Variants in DOK5 observed in about 807,000 individuals in gnomAD.
DOK5 encodes docking protein 5.
Under a neutral mutation model 43.3 loss-of-function variants are expected in DOK5, and 27 were observed. That is an observed-to-expected ratio of 0.62 (90% CI 0.46 to 0.86). The LOEUF is 0.86. Ranked by LOEUF, DOK5 falls within the 40% of genes least tolerant of loss-of-function variation. The probability of loss-of-function intolerance (pLI) is 0.00; values close to 1 mark genes in which losing one functional copy is unlikely to be tolerated. For synonymous variants in DOK5, 146 were observed against 140.1 expected, an observed-to-expected ratio of 1.04 and a Z score of -0.30; for missense variants, 373 against 392.9, an observed-to-expected ratio of 0.95 and a Z score of 0.43.
At chr20:54,482,831 G>A (rs1981774837) in intron 1 of DOK5, among the ~76,000 whole-genome samples, 1 of 152,132 alleles carries the variant, frequency 6.6e-6, no homozygotes, top group South Asian at 2.1e-4. Context: ...GTATATGTAT[G>A]CACATGCACA....
intron 2 of DOK5, among the ~76,000 whole-genome samples, chr20:54,583,806 T>C (rs1021860836): frequency 6.6e-6 from 1 of 152,092 alleles, no homozygotes; most frequent in Non-Finnish European, 1.5e-5. Context: ...GTAGACAGCA[T>C]ATCGTTGGAC....
Position 54,542,942 on chromosome 20 carries a change from T to A in DOK5, c.67-11991T>A, listed in dbSNP as rs548385587. On this transcript the variant is annotated intron_variant, in intron 1 of 7. Transcript: ENST00000262593. Reference sequence around the variant, plus strand: ...AATAAAACAGGGAGCCCTCTGAAACTCAGAAGATGGTAGCTTAGAGTAGAG... The same window carrying A: ...AATAAAACAGGGAGCCCTCTGAAACACAGAAGATGGTAGCTTAGAGTAGAG... 5.0e-4 allele frequency among the ~76,000 whole-genome samples: 76 copies of A among 152,244 alleles called. 2 individuals are homozygous for A. In the South Asian group the frequency reaches 0.013, roughly 26 times the overall value.
At chr20:54,511,303 G>A (rs117422625) in intron 1 of DOK5, among the ~76,000 whole-genome samples, 2,279 of 152,218 alleles carry the variant, frequency 0.015, 18 homozygotes, top group Middle Eastern at 0.034. Context: ...TACATAGTAG[G>A]TGCTCAATAA....
At chr20:54,546,982 T>G (rs1011881393) in intron 1 of DOK5, among the ~76,000 whole-genome samples, 2 of 152,114 alleles carry the variant, frequency 1.3e-5, no homozygotes, top group Non-Finnish European at 1.5e-5. Flanking sequence ...GTATAGGGAT[T>G]CCACAGAAGG....
intron 6 of DOK5, among the ~76,000 whole-genome samples, chr20:54,617,185 G>A (rs1986841637): frequency 6.6e-6 from 1 of 152,258 alleles, no homozygotes; most frequent in South Asian, 2.1e-4. Context: ...CTGTTGGACA[G>A]AGGCCACTCT....
At chr20:54,598,520 A>G (rs1242648641) in intron 5 of DOK5, among the ~76,000 whole-genome samples, 1 of 152,138 alleles carries the variant, frequency 6.6e-6, no homozygotes, top group Non-Finnish European at 1.5e-5. Context: ...TTCTCTGTTA[A>G]CTGTACAGCT....
intron 1 of DOK5, among the ~76,000 whole-genome samples, chr20:54,489,026 G>A (rs1487726935): frequency 1.3e-5 from 2 of 152,128 alleles, no homozygotes; most frequent in Non-Finnish European, 2.9e-5. Flanking sequence ...ATGGAATGGT[G>A]TATTCAGATG....
intron 1 of DOK5, among the ~76,000 whole-genome samples, chr20:54,527,164 T>C (rs1052630869): frequency 6.6e-6 from 1 of 152,220 alleles, no homozygotes; most frequent in African/African-American, 2.4e-5. Context: ...ATATGGGGTC[T>C]GTTTGACCCA....
intron 6 of DOK5, among the ~76,000 whole-genome samples, chr20:54,631,044 G>A (rs975056002): frequency 6.6e-5 from 10 of 152,098 alleles, no homozygotes; most frequent in African/African-American, 2.2e-4. Context: ...GTATGATAGA[G>A]CCAAAGGATG....
At chr20:54,569,157 C>T (rs1215492960) in intron 2 of DOK5, among the ~76,000 whole-genome samples, 1 of 152,114 alleles carries the variant, frequency 6.6e-6, no homozygotes, top group Non-Finnish European at 1.5e-5. Flanking sequence ...TAATTCATTA[C>T]ATATTATACA....
chr20:54,646,778 G>A (rs1249900244), intron 7 of DOK5, among the ~76,000 whole-genome samples: 1 of 152,040 alleles, frequency 6.6e-6, no homozygotes. Context: ...ATGACTTGGG[G>A]GCCTGGGGTG....
At chr20:54,595,778 T>G (rs1229979660) in intron 5 of DOK5, among the ~76,000 whole-genome samples, 1 of 152,224 alleles carries the variant, frequency 6.6e-6, no homozygotes, top group Non-Finnish European at 1.5e-5. Flanking sequence ...GTTGTATGCT[T>G]AGCATCTTAC....
At chr20:54,631,242 A>G (rs1255301461) in intron 6 of DOK5, among the ~76,000 whole-genome samples, 3 of 152,160 alleles carry the variant, frequency 2.0e-5, no homozygotes, top group Admixed American at 2.0e-4. Context: ...GCAAAACTCC[A>G]TCTCTACAAA....
chr20:54,552,131 C>G (rs986874035), intron 1 of DOK5, among the ~76,000 whole-genome samples: 1 of 152,136 alleles, frequency 6.6e-6, no homozygotes, highest in Non-Finnish European at 1.5e-5. Context: ...CCCAGCCATA[C>G]AGTATTAACT....
chr20:54,643,181 T>G (rs995034491), intron 6 of DOK5, among the ~76,000 whole-genome samples: 7 of 152,150 alleles, frequency 4.6e-5, no homozygotes, highest in Admixed American at 1.3e-4. Context: ...AATGGGGGAA[T>G]CAGCCCCACC....
At chr20:54,631,054 G>C (rs1978541385) in intron 6 of DOK5, among the ~76,000 whole-genome samples, 1 of 152,044 alleles carries the variant, frequency 6.6e-6, no homozygotes, top group Non-Finnish European at 1.5e-5. Flanking sequence ...GCCAAAGGAT[G>C]GACTAAGATC....
At chr20:54,523,097 G>C (rs1010787625) in intron 1 of DOK5, among the ~76,000 whole-genome samples, 1 of 152,234 alleles carries the variant, frequency 6.6e-6, no homozygotes, top group East Asian at 1.9e-4. Flanking sequence ...AAAGAGAAAG[G>C]CTTGTATTTC....
At chr20:54,618,098 A>G (rs1986869425) in intron 6 of DOK5, among the ~76,000 whole-genome samples, 1 of 152,180 alleles carries the variant, frequency 6.6e-6, no homozygotes, top group Admixed American at 6.5e-5. Context: ...CTTACAATGG[A>G]AAAGAATATT....
intron 2 of DOK5, among the ~76,000 whole-genome samples, chr20:54,587,795 C>T (rs976386596): frequency 1.1e-4 from 16 of 152,046 alleles, no homozygotes; most frequent in Admixed American, 1.3e-4. Flanking sequence ...AGGAAGAAGG[C>T]GCCACTGGGT....
Sources: allele counts gnomAD v4.1 joint callset (sites outside exome capture counted in the v4.1 genomes callset), GRCh38; gene constraint gnomAD v4.1.1; transcripts MANE v1.5; gene names NCBI Gene and HGNC (gene_info 2026-07-23, HGNC 2026-07-21).